Variants in ITK observed in about 807,000 individuals in gnomAD.
The protein encoded by ITK is tyrosine-protein kinase ITK/TSK.
In ITK, 45 loss-of-function variants were observed where a neutral mutation model predicts 87.6. The ratio of observed to expected loss-of-function variants is 0.51; its 90% CI spans 0.40 to 0.66. The LOEUF (loss-of-function observed/expected upper bound fraction) is 0.66, where lower values mean the gene tolerates loss of function less well. ITK is among the 30% of genes least tolerant of loss of function. ITK has a pLI of 0.00. For synonymous variants in ITK, 303 were observed against 273.6 expected (o/e 1.11, Z -1.06); for missense variants, 605 against 766.3 (o/e 0.79, Z 2.48).
chr5:157,205,819 G>A (rs1754068073), intron 1 of ITK, among the ~76,000 whole-genome samples: 1 of 152,106 alleles, frequency 6.6e-6, no homozygotes, highest in Non-Finnish European at 1.5e-5. Flanking sequence ...ATGAAGCAAT[G>A]TTGAATTTTA....
At chr5:157,240,943 T>A (rs1754882136) in intron 10 of ITK, 1 of 88,526 alleles carries the variant, frequency 1.1e-5, no homozygotes, top group South Asian at 5.2e-4. Context: ...TTTTCTTTCT[T>A]TTTTTTTTTT....
chr5:157,213,951 A>G (rs1251659036), intron 3 of ITK, among the ~76,000 whole-genome samples: 1 of 152,184 alleles, frequency 6.6e-6, no homozygotes, highest in Non-Finnish European at 1.5e-5. Context: ...AGAACACATA[A>G]CTAATGCAAG....
chr5:157,242,277 A>T (rs1427020121), intron 11 of ITK, among the ~76,000 whole-genome samples: 1 of 152,154 alleles, frequency 6.6e-6, no homozygotes, highest in Admixed American at 6.5e-5. Context: ...TGGACTCTGA[A>T]GGCATTTGGC....
At chr5:157,250,493 GTGTT>G (rs1312466001) in intron 16 of ITK, among the ~76,000 whole-genome samples, 2 of 150,700 alleles carry the variant, frequency 1.3e-5, no homozygotes, top group African/African-American at 2.4e-5. Flanking sequence ...TTCAGTTTTT[GTGTT>G]TGTTTGTTTG....
At chr5:157,222,480 A>G (rs1754439251) in intron 5 of ITK, among the ~76,000 whole-genome samples, 1 of 152,240 alleles carries the variant, frequency 6.6e-6, no homozygotes. Flanking sequence ...ATGATTCCGT[A>G]GATCTAGATA....
rs1474298815 is a variant in ITK, at chr5:157,238,141, C to G, written c.801C>G (p.Ser267=). ...GKEGAFMVRD[S]RTAGTYTVSV... The stretch of plus-strand genomic sequence containing the variant: ...AAGGAGCCTTCATGGTAAGGGATTC[C>G]AGGACTGCAGGAACATACACCGTGT... Residue 267 remains serine, a synonymous_variant, in exon 9 of 17, where the codon TCC becomes TCG. Coordinates refer to ENST00000422843, the MANE Select transcript of ITK (RefSeq NM_005546.4). 4 of 1,613,832 alleles carry G rather than the reference C, an allele frequency of 2.5e-6. No individual in the cohort carries two copies. Among genetic ancestry groups the G allele is most frequent in the Non-Finnish European group, 3.4e-6 (4 of 1,179,796 alleles).
At chr5:157,238,394 G>A (rs1463147811) in intron 9 of ITK, among the ~76,000 whole-genome samples, 1 of 152,218 alleles carries the variant, frequency 6.6e-6, no homozygotes, top group Admixed American at 6.5e-5. Context: ...AGAGCTGGGA[G>A]TGGATGCCAG....
intron 1 of ITK, among the ~76,000 whole-genome samples, chr5:157,204,715 G>GA (rs892629070): frequency 1.5e-4 from 22 of 146,126 alleles, no homozygotes; most frequent in Admixed American, 2.0e-4. Flanking sequence ...ACAAAAAAGA[G>GA]AAAAAAAAAA....
chr5:157,202,546 G>T (rs1314148376), intron 1 of ITK, among the ~76,000 whole-genome samples: 2 of 152,058 alleles, frequency 1.3e-5, no homozygotes, highest in Admixed American at 1.3e-4. Flanking sequence ...TTGTTAATGG[G>T]CATTTAGGTT....
At position 157,244,070 on chromosome 5, in the gene ITK, C is replaced by G. The variant is rs534843736; in HGVS notation, c.1233-192C>G. The G allele has an allele frequency of 8.7e-6, 6 of 685,998 alleles. No individual in the cohort carries two copies. In the South Asian group the frequency reaches 1.0e-4, roughly 12 times the overall value. The allele number at this position is 685,998 out of a possible 1,614,324, so 42.5% of individuals were successfully genotyped here. Reference sequence around the variant, plus strand: ...TGGCCTCTGCTCATCTTCACACACACAGCTGACTCCTTGCCATTTTTCAGG... The same window carrying G: ...TGGCCTCTGCTCATCTTCACACACAGAGCTGACTCCTTGCCATTTTTCAGG... On this transcript the variant is annotated intron_variant, in intron 12 of 16. Transcript: ENST00000422843.
intron 13 of ITK, chr5:157,245,336 A>G: frequency 2.9e-6 from 1 of 349,734 alleles, no homozygotes; most frequent in South Asian, 2.4e-5. Context: ...CCTATTGAAG[A>G]ACAGTTTTAA....
chr5:157,241,803 G>C (rs560328810), intron 11 of ITK, 83 bp downstream of exon 11: 279 of 933,574 alleles, frequency 3.0e-4, no homozygotes, highest in South Asian at 5.9e-4. Flanking sequence ...GAGCCTACCT[G>C]TTCCTCAGAC....
intron 1 of ITK, among the ~76,000 whole-genome samples, chr5:157,198,136 A>T (rs77221821): frequency 1.3e-5 from 2 of 148,820 alleles, no homozygotes; most frequent in African/African-American, 2.4e-5. Flanking sequence ...AAAAAAAAAA[A>T]GGAAAGAAAG....
chr5:157,212,420 G>A (rs1459826167), intron 3 of ITK, among the ~76,000 whole-genome samples: 2 of 152,212 alleles, frequency 1.3e-5, no homozygotes, highest in African/African-American at 4.8e-5. Flanking sequence ...TTATCCCGAG[G>A]TTGTTGTGAG....
At chr5:157,213,136 C>A (rs1251536267) in intron 3 of ITK, among the ~76,000 whole-genome samples, 1 of 152,098 alleles carries the variant, frequency 6.6e-6, no homozygotes, top group Non-Finnish European at 1.5e-5. Context: ...AGGAAACTTA[C>A]AATCATGGTG....
At chr5:157,192,652 G>T (rs1753775141) in intron 1 of ITK, among the ~76,000 whole-genome samples, 1 of 152,172 alleles carries the variant, frequency 6.6e-6, no homozygotes, top group Admixed American at 6.5e-5. Flanking sequence ...AATTATACAA[G>T]CCATCACCAT....
At chr5:157,225,623 T>C (rs1057267275) in intron 6 of ITK, among the ~76,000 whole-genome samples, 1 of 152,182 alleles carries the variant, frequency 6.6e-6, no homozygotes, top group Non-Finnish European at 1.5e-5. Flanking sequence ...TAAAACGTGA[T>C]GAGATTCAGA....
At chr5:157,194,068 C>T (rs1224558424) in intron 1 of ITK, among the ~76,000 whole-genome samples, 1 of 152,110 alleles carries the variant, frequency 6.6e-6, no homozygotes, top group Admixed American at 6.6e-5. Flanking sequence ...AGTGTAAAGG[C>T]AACAGCATGC....
chr5:157,195,354 C>G (rs1297828215), intron 1 of ITK: 2 of 152,142 alleles, frequency 1.3e-5, no homozygotes, highest in African/African-American at 4.8e-5. Flanking sequence ...AATCTTTGTC[C>G]CCTTGCCTCC....
Sources: gnomAD v4.1 joint callset for allele counts (sites outside exome capture counted in the v4.1 genomes callset) on GRCh38, gnomAD v4.1.1 for gene constraint, MANE v1.5 for transcripts, NCBI Gene and HGNC (gene_info 2026-07-23, HGNC 2026-07-21) for gene names.